The following RIMS2 variants were observed in gnomAD, a reference collection of about 807,000 sequenced individuals.
RIMS2 encodes regulating synaptic membrane exocytosis 2.
Under a neutral mutation model 174.4 loss-of-function variants are expected in RIMS2, and 59 were observed. That is an observed-to-expected ratio of 0.34 (90% CI 0.27 to 0.42). RIMS2 has a LOEUF of 0.42. RIMS2 is among the 10% of genes least tolerant of loss of function. The probability of loss-of-function intolerance (pLI) is 1.00; values close to 1 mark genes in which losing one functional copy is unlikely to be tolerated. For missense variants in RIMS2, 1,620 were observed against 1,666.3 expected, an observed-to-expected ratio of 0.97 and a Z score of 0.48; for synonymous variants, 606 against 572.5, an observed-to-expected ratio of 1.06 and a Z score of -0.84.
chr8:104,192,995 G>T (rs932341445), intron 19 of RIMS2, among the ~76,000 whole-genome samples: 2 of 152,082 alleles, frequency 1.3e-5, no homozygotes, highest in African/African-American at 4.8e-5. Context: ...GAAACAGGGT[G>T]GAGAGAGCTT....
At chr8:103,584,428 A>C (rs751350013) in intron 1 of RIMS2, among the ~76,000 whole-genome samples, 6 of 74,650 alleles carry the variant, frequency 8.0e-5, no homozygotes, top group Non-Finnish European at 1.3e-4. Flanking sequence ...GTAAGTACAC[A>C]GAAAAACACA....
At chr8:103,540,604 A>G (rs1842102376) in intron 1 of RIMS2, among the ~76,000 whole-genome samples, 1 of 152,232 alleles carries the variant, frequency 6.6e-6, no homozygotes, top group Non-Finnish European at 1.5e-5. Context: ...GACAAGAAAC[A>G]TGAGAAAGTG....
At chr8:103,641,913 G>A (rs1270889480) in intron 1 of RIMS2, among the ~76,000 whole-genome samples, 2 of 152,044 alleles carry the variant, frequency 1.3e-5, no homozygotes, top group Non-Finnish European at 2.9e-5. Flanking sequence ...ATAAACGTTT[G>A]TTCTTTATAA....
chr8:104,235,702 A>G (rs1445991202), intron 19 of RIMS2, among the ~76,000 whole-genome samples: 1 of 152,012 alleles, frequency 6.6e-6, no homozygotes, highest in Non-Finnish European at 1.5e-5. Flanking sequence ...TACACGTGGT[A>G]TGTATTTTTA....
At chr8:104,241,476 CGCT>C (rs1248258477) in intron 19 of RIMS2, among the ~76,000 whole-genome samples, 2 of 152,108 alleles carry the variant, frequency 1.3e-5, no homozygotes, top group African/African-American at 2.4e-5. Context: ...ATTTTCAAGT[CGCT>C]TTAACTATGA....
At chr8:103,627,510 A>G (rs556438557) in intron 1 of RIMS2, among the ~76,000 whole-genome samples, 127 of 152,240 alleles carry the variant, frequency 8.3e-4, no homozygotes, top group Non-Finnish European at 1.5e-3. Flanking sequence ...GAAGTGATAA[A>G]TGTCCATGAA....
intron 1 of RIMS2, among the ~76,000 whole-genome samples, chr8:103,532,020 A>C (rs1445532648): frequency 2.0e-5 from 3 of 152,238 alleles, no homozygotes; most frequent in African/African-American, 7.2e-5. Context: ...AATAAAATGC[A>C]GATATAACTA....
intron 3 of RIMS2, among the ~76,000 whole-genome samples, chr8:103,799,928 A>C (rs2098594524): frequency 6.6e-6 from 1 of 152,148 alleles, no homozygotes; most frequent in Non-Finnish European, 1.5e-5. Context: ...GAATCCCTAG[A>C]AATACTCTTT....
chr8:103,817,199 G>A (rs538102403), intron 3 of RIMS2, among the ~76,000 whole-genome samples: 9 of 152,066 alleles, frequency 5.9e-5, no homozygotes, highest in Admixed American at 1.3e-4. Context: ...AATGGAAGAA[G>A]CCCATTTAAA....
chr8:103,754,782 G>A (rs187023684), intron 2 of RIMS2, among the ~76,000 whole-genome samples: 293 of 152,040 alleles, frequency 1.9e-3, no homozygotes, highest in African/African-American at 6.6e-3. Flanking sequence ...CACCTGCTTG[G>A]TAGATCTTCC....
At chr8:103,712,219 A>C (rs952400449) in intron 2 of RIMS2, among the ~76,000 whole-genome samples, 1 of 146,036 alleles carries the variant, frequency 6.8e-6, no homozygotes, top group Non-Finnish European at 1.5e-5. Flanking sequence ...CACCTTGCCC[A>C]GGAAATAGTC....
chr8:103,804,112 A>T (rs78681525), intron 3 of RIMS2, among the ~76,000 whole-genome samples: 4,902 of 152,318 alleles, frequency 0.032, 124 homozygotes, highest in Non-Finnish European at 0.047. Context: ...TTTCAAAAAA[A>T]GTAAAGAAAA....
At chr8:104,051,497 G>T (rs1315008696) in intron 19 of RIMS2, among the ~76,000 whole-genome samples, 1 of 151,832 alleles carries the variant, frequency 6.6e-6, no homozygotes, top group Non-Finnish European at 1.5e-5. Context: ...AAATATTAAA[G>T]AATGACCATA....
intron 1 of RIMS2, among the ~76,000 whole-genome samples, chr8:103,561,117 G>T (rs2091517044): frequency 6.6e-6 from 1 of 152,114 alleles, no homozygotes; most frequent in Non-Finnish European, 1.5e-5. Context: ...ACAGAGTGCA[G>T]CTTCCTGCGG....
intron 15 of RIMS2, among the ~76,000 whole-genome samples, chr8:103,971,489 C>T (rs146488707): frequency 8.2e-4 from 125 of 152,184 alleles, no homozygotes; most frequent in East Asian, 3.9e-3. Flanking sequence ...ATTTGACCTA[C>T]GCAACTGAAA....
intron 1 of RIMS2, among the ~76,000 whole-genome samples, chr8:103,634,258 G>A (rs1380735052): frequency 1.6e-4 from 24 of 152,104 alleles, no homozygotes; most frequent in Admixed American, 1.6e-3. Flanking sequence ...CTTGATTTCT[G>A]CCTTAATTTC....
intron 3 of RIMS2, among the ~76,000 whole-genome samples, chr8:103,874,176 G>C (rs2099124974): frequency 6.6e-6 from 1 of 152,054 alleles, no homozygotes; most frequent in African/African-American, 2.4e-5. Flanking sequence ...GGCTGTGAGA[G>C]TTACATGAAC....
intron 13 of RIMS2, among the ~76,000 whole-genome samples, chr8:103,940,201 C>T (rs1258495859): frequency 1.3e-5 from 2 of 152,106 alleles, no homozygotes; most frequent in Non-Finnish European, 1.5e-5. Flanking sequence ...AGAGTTTTAA[C>T]AGACTTACAG....
chr8:103,918,670 A>C (rs1173890553), intron 9 of RIMS2, 183 bp downstream of exon 12: 1 of 567,866 alleles, frequency 1.8e-6, no homozygotes, highest in Non-Finnish European at 3.2e-6. Flanking sequence ...AAAAATGTAG[A>C]ATATTTTAAG....
Sources: gnomAD v4.1 joint callset for allele counts (sites outside exome capture counted in the v4.1 genomes callset) on GRCh38, gnomAD v4.1.1 for gene constraint, MANE v1.5 for transcripts, NCBI Gene and HGNC (gene_info 2026-07-23, HGNC 2026-07-21) for gene names.